The following NAALADL2 variants were observed in gnomAD, a reference collection of about 807,000 sequenced individuals.
The protein encoded by NAALADL2 is N-acetylated alpha-linked acidic dipeptidase like 2, also known as inactive N-acetylated-alpha-linked acidic dipeptidase-like protein 2.
In NAALADL2, 76 loss-of-function variants were observed where a neutral mutation model predicts 87.2. That is an observed-to-expected ratio of 0.87 (90% CI 0.72 to 1.05). NAALADL2 has a LOEUF of 1.05. NAALADL2 is among the 50% of genes least tolerant of loss of function. The pLI, the probability that NAALADL2 is intolerant of heterozygous loss-of-function variation, is 0.00. For missense variants in NAALADL2, 1,089 were observed against 945.8 expected (o/e 1.15, Z -1.99); for synonymous variants, 354 against 331.0 (o/e 1.07, Z -0.75).
intron 12 of NAALADL2, 51 bp downstream of exon 12, chr3:175,737,450 T>A: frequency 8.8e-7 from 1 of 1,139,932 alleles, no homozygotes. Context: ...ATTGTTCAAC[T>A]AATTTTCAAC....
At chr3:175,614,254 T>C (rs761799677) in intron 10 of NAALADL2, among the ~76,000 whole-genome samples, 15 of 152,192 alleles carry the variant, frequency 9.9e-5, no homozygotes, top group African/African-American at 1.9e-4. Flanking sequence ...GGTTTCACCA[T>C]GTTGGCCAGG....
chr3:175,404,789 C>G (rs1423619562), intron 5 of NAALADL2, among the ~76,000 whole-genome samples: 1 of 152,116 alleles, frequency 6.6e-6, no homozygotes, highest in Non-Finnish European at 1.5e-5. Context: ...CCTCATATAT[C>G]AAGGACCATC....
chr3:175,483,910 T>A (rs1045367380), intron 9 of NAALADL2, among the ~76,000 whole-genome samples: 4 of 152,060 alleles, frequency 2.6e-5, no homozygotes, highest in Non-Finnish European at 5.9e-5. Flanking sequence ...TATTGATTAT[T>A]ATATTGTTTT....
At chr3:175,658,458 T>TC (rs1477960819) in intron 11 of NAALADL2, among the ~76,000 whole-genome samples, 1 of 152,064 alleles carries the variant, frequency 6.6e-6, no homozygotes, top group East Asian at 1.9e-4. Context: ...TTGAAGGGCT[T>TC]TTTTTTTCTG....
At chr3:174,985,788 A>T (rs1745779526) in intron 1 of NAALADL2, among the ~76,000 whole-genome samples, 1 of 152,022 alleles carries the variant, frequency 6.6e-6, no homozygotes, top group African/African-American at 2.4e-5. Context: ...CCTCGTCTAT[A>T]CTAAACATAC....
At chr3:175,678,150 TG>T (rs1735078300) in intron 11 of NAALADL2, among the ~76,000 whole-genome samples, 1 of 152,214 alleles carries the variant, frequency 6.6e-6, no homozygotes, top group Non-Finnish European at 1.5e-5. Flanking sequence ...CTCTTAAAAA[TG>T]TATATTTTAT....
chr3:174,915,799 C>T (rs1017883986), intron 1 of NAALADL2, among the ~76,000 whole-genome samples: 2 of 152,076 alleles, frequency 1.3e-5, no homozygotes, highest in Non-Finnish European at 2.9e-5. Flanking sequence ...GAAAACTCTT[C>T]TGGACATTGG....
intron 2 of NAALADL2, among the ~76,000 whole-genome samples, chr3:174,620,337 T>C (rs1720879526): frequency 6.6e-6 from 1 of 152,038 alleles, no homozygotes; most frequent in Non-Finnish European, 1.5e-5. Context: ...CCGTTGTAAA[T>C]GCACAAGGGT....
intron 2 of NAALADL2, among the ~76,000 whole-genome samples, chr3:175,163,995 T>A (rs571721369): frequency 1.2e-4 from 18 of 152,348 alleles, no homozygotes; most frequent in African/African-American, 3.4e-4. Flanking sequence ...GTATTGAAGT[T>A]CATAAAGTAA....
chr3:174,447,556 G>A lies in NAALADL2; in HGVS notation c.-184+6524G>A, dbSNP rs534458583. ...AATTTGGCCGGGCGAGGTGGCTAAC[G>A]CCTGTAATCCCAGCACTTTGGGTGG... On this transcript the variant is annotated intron_variant, in intron 1 of 3. Coordinates refer to the NAALADL2 transcript ENST00000434257. Among the ~76,000 whole-genome samples the A allele has an allele frequency of 1.1e-4, 16 of 152,236 alleles. No homozygotes were observed. The East Asian group carries it at 1.2e-3, about 11-fold the overall frequency.
intron 2 of NAALADL2, among the ~76,000 whole-genome samples, chr3:175,158,901 A>C (rs1732718319): frequency 6.6e-6 from 1 of 152,124 alleles, no homozygotes; most frequent in South Asian, 2.1e-4. Context: ...TATTGAAAAC[A>C]GATTATAAAA....
At chr3:174,842,104 T>C (rs532215558) in intron 3 of NAALADL2, among the ~76,000 whole-genome samples, 1 of 151,686 alleles carries the variant, frequency 6.6e-6, no homozygotes, top group South Asian at 2.1e-4. Flanking sequence ...CAGGCTGCAG[T>C]GCATTGGCGT....
At chr3:175,627,633 T>G (rs992539784) in intron 11 of NAALADL2, among the ~76,000 whole-genome samples, 6 of 151,796 alleles carry the variant, frequency 4.0e-5, no homozygotes, top group Non-Finnish European at 8.9e-5. Context: ...ACAATGAGTT[T>G]ATTCATGGTA....
At chr3:174,882,439 A>G (rs76694020) in intron 1 of NAALADL2, among the ~76,000 whole-genome samples, 15 of 117,446 alleles carry the variant, frequency 1.3e-4, no homozygotes, top group African/African-American at 4.4e-4. Context: ...GTGTGTGTGT[A>G]TATATGTGTG....
intron 11 of NAALADL2, among the ~76,000 whole-genome samples, chr3:175,697,909 AT>A (rs1479641620): frequency 3.7e-4 from 21 of 56,120 alleles, no homozygotes; most frequent in African/African-American, 1.7e-3. Flanking sequence ...ATACATATAT[AT>A]GTGTATATAT....
chr3:174,765,142 AC>A (rs72247241), intron 3 of NAALADL2, among the ~76,000 whole-genome samples: 9,406 of 106,184 alleles, frequency 0.089, 349 homozygotes, highest in African/African-American at 0.13. Context: ...ACACACACAC[AC>A]GAGAGAGAGA....
At chr3:175,004,589 T>C (rs926901779) in intron 1 of NAALADL2, among the ~76,000 whole-genome samples, 2 of 151,974 alleles carry the variant, frequency 1.3e-5, no homozygotes, top group African/African-American at 4.8e-5. Flanking sequence ...TGAGGAAGTA[T>C]AAGAAAATAA....
At chr3:174,819,951 C>A (rs1254755040) in intron 3 of NAALADL2, among the ~76,000 whole-genome samples, 1 of 152,184 alleles carries the variant, frequency 6.6e-6, no homozygotes, top group Non-Finnish European at 1.5e-5. Context: ...AATCCAATTT[C>A]TCCATTACAT....
At chr3:174,984,538 C>G (rs75006266) in intron 1 of NAALADL2, among the ~76,000 whole-genome samples, 2,927 of 152,110 alleles carry the variant, frequency 0.019, 78 homozygotes, top group African/African-American at 0.066. Context: ...ATCAGAAACT[C>G]AAGGACAGGA....
Sources: allele counts gnomAD v4.1 joint callset (sites outside exome capture counted in the v4.1 genomes callset), GRCh38; gene constraint gnomAD v4.1.1; transcripts MANE v1.5; gene names NCBI Gene and HGNC (gene_info 2026-07-23, HGNC 2026-07-21).